The following VPS13B variants were observed in gnomAD, a reference collection of about 807,000 sequenced individuals.
The protein encoded by VPS13B is intermembrane lipid transfer protein VPS13B.
A neutral mutation model predicts 426.4 loss-of-function variants in VPS13B; 285 were observed. That is an observed-to-expected ratio of 0.67 (90% confidence interval 0.61 to 0.74). VPS13B has a LOEUF of 0.74. Ranked by LOEUF, VPS13B falls within the 30% of genes least tolerant of loss-of-function variation. The probability of loss-of-function intolerance (pLI) is 0.00; values close to 1 mark genes in which losing one functional copy is unlikely to be tolerated. For synonymous variants in VPS13B, 1,676 were observed against 1,676.4 expected (o/e 1.00, Z 0.01); for missense variants, 4,537 against 4,782.6 (o/e 0.95, Z 1.51).
intron 2 of VPS13B, among the ~76,000 whole-genome samples, chr8:99,016,837 G>A (rs1480098205): frequency 1.3e-5 from 2 of 151,974 alleles, no homozygotes; most frequent in Non-Finnish European, 2.9e-5. Flanking sequence ...TGATCCTCCT[G>A]TCTCGGCCTC....
At chr8:99,832,267 A>G (rs1390914087) in intron 51 of VPS13B, 102 bp from the exon 52 acceptor site, 48 of 1,419,684 alleles carry the variant, frequency 3.4e-5, no homozygotes, top group Admixed American at 2.9e-4. Flanking sequence ...CTCAAAAAAA[A>G]AAAAGAAAAG....
chr8:99,299,047 C>T (rs1290360595), intron 19 of VPS13B, among the ~76,000 whole-genome samples: 2 of 140,208 alleles, frequency 1.4e-5, no homozygotes, highest in African/African-American at 5.4e-5. Context: ...CAAGTTATTC[C>T]ACCACTTTTT....
intron 19 of VPS13B, among the ~76,000 whole-genome samples, chr8:99,349,091 T>A (rs1811711889): frequency 6.6e-6 from 1 of 151,422 alleles, no homozygotes; most frequent in South Asian, 2.1e-4. Flanking sequence ...CCCAGCACTT[T>A]GGGAGGCCGA....
intron 2 of VPS13B, among the ~76,000 whole-genome samples, chr8:99,029,890 A>G (rs1311586369): frequency 6.6e-6 from 1 of 152,046 alleles, no homozygotes; most frequent in South Asian, 2.1e-4. Flanking sequence ...CACTTTTCCT[A>G]TTTTTAAAAT....
At chr8:99,046,597 G>A (rs1237815099) in intron 3 of VPS13B, among the ~76,000 whole-genome samples, 3 of 152,070 alleles carry the variant, frequency 2.0e-5, no homozygotes, top group South Asian at 2.1e-4. Context: ...AAGAGGAGTG[G>A]TAAGAGTGGG....
chr8:99,077,667 G>C (rs1032551517), intron 3 of VPS13B, among the ~76,000 whole-genome samples: 8 of 152,056 alleles, frequency 5.3e-5, no homozygotes, highest in African/African-American at 1.9e-4. Flanking sequence ...AATTCTCTCT[G>C]TGTCGTTGAT....
chr8:99,265,025 CTTGT>C (rs952796635), intron 17 of VPS13B, among the ~76,000 whole-genome samples: 9 of 151,774 alleles, frequency 5.9e-5, no homozygotes, highest in African/African-American at 1.9e-4. Flanking sequence ...TTTCTATGTG[CTTGT>C]TTTTGTTGTT....
At chr8:99,431,805 T>C in intron 22 of VPS13B, 141 bp downstream of exon 22, 1 of 891,952 alleles carries the variant, frequency 1.1e-6, no homozygotes. Context: ...TGAAAATAAT[T>C]GGTGTACTTC....
intron 33 of VPS13B, among the ~76,000 whole-genome samples, chr8:99,578,176 G>C (rs1825865315): frequency 6.6e-6 from 1 of 152,138 alleles, no homozygotes; most frequent in Non-Finnish European, 1.5e-5. Flanking sequence ...AAGAAACAAA[G>C]AAAGCTATTT....
At chr8:99,637,453 G>A (rs1363591616) in intron 33 of VPS13B, among the ~76,000 whole-genome samples, 1 of 152,038 alleles carries the variant, frequency 6.6e-6, no homozygotes, top group African/African-American at 2.4e-5. Flanking sequence ...TCCAATGAAA[G>A]CCAGAGTCTT....
At chr8:99,715,161 A>G (rs770339892) in intron 36 of VPS13B, among the ~76,000 whole-genome samples, 2 of 150,932 alleles carry the variant, frequency 1.3e-5, no homozygotes, top group Non-Finnish European at 2.9e-5. Flanking sequence ...CAGCCTTTTT[A>G]TGTTACAGTG....
chr8:99,700,048 A>C, intron 36 of VPS13B, 116 bp downstream of exon 36: 1 of 1,271,160 alleles, frequency 7.9e-7, no homozygotes, highest in Non-Finnish European at 1.1e-6. Flanking sequence ...TGTAAAGGCC[A>C]TTAGAGATGA....
chr8:99,536,041 C>T (rs909857516), intron 30 of VPS13B, among the ~76,000 whole-genome samples: 1 of 151,746 alleles, frequency 6.6e-6, no homozygotes, highest in Non-Finnish European at 1.5e-5. Context: ...CCTCTGCCTC[C>T]CAGGTTCAAG....
intron 24 of VPS13B, among the ~76,000 whole-genome samples, chr8:99,479,989 T>A (rs542069964): frequency 6.6e-6 from 1 of 152,316 alleles, no homozygotes; most frequent in South Asian, 2.1e-4. Context: ...ATTCTAAATT[T>A]TACATTCCTA....
At chr8:99,099,664 T>G (rs371073009) in intron 4 of VPS13B, among the ~76,000 whole-genome samples, 4 of 152,132 alleles carry the variant, frequency 2.6e-5, no homozygotes. Flanking sequence ...AGGTGTAGGA[T>G]GGAGGACATT....
At chr8:99,647,426 T>A (rs112093182) in intron 34 of VPS13B, among the ~76,000 whole-genome samples, 221 of 151,920 alleles carry the variant, frequency 1.5e-3, no homozygotes, top group African/African-American at 5.0e-3. Context: ...CTGGGCATGA[T>A]GGTGGGTGCC....
intron 17 of VPS13B, among the ~76,000 whole-genome samples, chr8:99,239,790 G>A (rs1275756229): frequency 1.3e-5 from 2 of 151,970 alleles, no homozygotes; most frequent in African/African-American, 4.8e-5. Flanking sequence ...TTGAATCCAA[G>A]CATTTTCTGT....
In VPS13B at chr8:99,717,240, G is replaced by T. The variant is rs543464415; in HGVS notation, c.6524G>T (p.Arg2175Ile). 6.2e-7 allele frequency: 1 copy of T among 1,613,870 alleles called. No homozygotes were observed. Among genetic ancestry groups the T allele is most frequent in the South Asian group, 1.1e-5 (1 of 91,076 alleles). Reference sequence around the variant, plus strand: ...CTCCTTAAAACAAGTCTCAAAGAAAGAAGCCGCATTCTGATAGGACCATGT... The same window carrying T: ...CTCCTTAAAACAAGTCTCAAAGAAATAAGCCGCATTCTGATAGGACCATGT... ...DFLLKTSLKE[R>I]SRILIGPCCA... Residue 2175 changes from arginine to isoleucine, a missense_variant, in exon 37 of 62, where the codon AGA becomes ATA. Physicochemically the swap from Arg to Ile is moderately conservative, Grantham distance 97. Transcript: ENST00000357162.
At chr8:99,388,330 T>A (rs986261064) in intron 20 of VPS13B, among the ~76,000 whole-genome samples, 4 of 152,306 alleles carry the variant, frequency 2.6e-5, no homozygotes, top group Admixed American at 1.3e-4. Context: ...AAAGCAAATA[T>A]GATAAACTGT....
Sources: gnomAD v4.1 joint callset for allele counts (sites outside exome capture counted in the v4.1 genomes callset) on GRCh38, gnomAD v4.1.1 for gene constraint, MANE v1.5 for transcripts, NCBI Gene and HGNC (gene_info 2026-07-23, HGNC 2026-07-21) for gene names.